SPATA16: variants seen among roughly 807,000 people sequenced by gnomAD.
SPATA16 encodes the protein spermatogenesis-associated protein 16.
Under a neutral mutation model 63.3 loss-of-function variants are expected in SPATA16, and 36 were observed. The ratio of observed to expected loss-of-function variants is 0.57; its 90% CI spans 0.44 to 0.75. The LOEUF is 0.75. Ranked by LOEUF, SPATA16 falls within the 30% of genes least tolerant of loss-of-function variation. The probability of loss-of-function intolerance (pLI) is 0.00; values close to 1 mark genes in which losing one functional copy is unlikely to be tolerated. For missense variants in SPATA16, 646 were observed against 679.3 expected, an observed-to-expected ratio of 0.95 and a Z score of 0.54; for synonymous variants, 203 against 216.7, an observed-to-expected ratio of 0.94 and a Z score of 0.56.
chr3:172,945,807 T>A (rs73175071), intron 6 of SPATA16, among the ~76,000 whole-genome samples: 8,944 of 152,210 alleles, frequency 0.059, 344 homozygotes, highest in Non-Finnish European at 0.077. Flanking sequence ...TGAAAGGTAG[T>A]CTAGGCTACA....
chr3:173,057,260 C>T (rs7618651), intron 2 of SPATA16, among the ~76,000 whole-genome samples: 22,076 of 151,598 alleles, frequency 0.15, 1,996 homozygotes, highest in South Asian at 0.22. Context: ...TACAGGTGCC[C>T]GCCGCCACGC....
chr3:172,955,718 TTG>T (rs1733577980), intron 6 of SPATA16, among the ~76,000 whole-genome samples: 3 of 152,200 alleles, frequency 2.0e-5, no homozygotes, highest in Non-Finnish European at 4.4e-5. Context: ...ATAGTGTAGC[TTG>T]ATGGCATGTT....
chr3:173,129,874 C>A (rs1447838635), intron 1 of SPATA16, among the ~76,000 whole-genome samples: 2 of 152,082 alleles, frequency 1.3e-5, no homozygotes, highest in African/African-American at 4.8e-5. Context: ...GCATGATCCA[C>A]TGGAATGGGT....
intron 10 of SPATA16, among the ~76,000 whole-genome samples, chr3:172,904,944 G>A (rs534238152): frequency 5.9e-5 from 9 of 152,238 alleles, no homozygotes; most frequent in Admixed American, 3.9e-4. Flanking sequence ...GCAGTTGCTG[G>A]CCTGGATGCC....
intron 2 of SPATA16, among the ~76,000 whole-genome samples, chr3:173,077,464 T>G (rs1025536257): frequency 6.6e-6 from 1 of 152,228 alleles, no homozygotes; most frequent in Non-Finnish European, 1.5e-5. Flanking sequence ...GTTTCTATAG[T>G]ACATGCAAGT....
At chr3:173,114,515 T>C (rs1035354529) in intron 2 of SPATA16, among the ~76,000 whole-genome samples, 1 of 152,176 alleles carries the variant, frequency 6.6e-6, no homozygotes, top group African/African-American at 2.4e-5. Context: ...GATCATGAAG[T>C]CAAGGCCACT....
chr3:172,982,323 A>T (rs1389457402), intron 4 of SPATA16, among the ~76,000 whole-genome samples: 1 of 152,156 alleles, frequency 6.6e-6, no homozygotes, highest in Non-Finnish European at 1.5e-5. Flanking sequence ...AATTTGTCCA[A>T]TGCAAAATTT....
At chr3:173,019,432 A>G (rs1033956811) in intron 4 of SPATA16, 54 bp downstream of exon 4, 11 of 1,451,004 alleles carry the variant, frequency 7.6e-6, no homozygotes, top group Non-Finnish European at 9.7e-6. Flanking sequence ...AGAATTTGAG[A>G]ATAAAATTAA....
At chr3:172,954,164 AG>A (rs1283611461) in intron 6 of SPATA16, among the ~76,000 whole-genome samples, 4 of 152,262 alleles carry the variant, frequency 2.6e-5, no homozygotes, top group African/African-American at 9.6e-5. Context: ...TAATTTATAA[AG>A]GAAAGAGGTT....
rs571896410 is a variant in SPATA16, at chr3:173,088,036, T to A, written c.612+29084A>T. Among the ~76,000 whole-genome samples, 85 of 139,380 alleles carry A rather than the reference T, an allele frequency of 6.1e-4. 1 individual carries two copies. The highest frequency in any genetic ancestry group is 2.0e-3 in the African/African-American group (75 of 36,998). The allele number at this position is 139,380 out of a possible 152,430, so 91.4% of individuals were successfully genotyped here. A position where few individuals can be genotyped will look rare whatever the true frequency, so the allele number is the denominator to read the frequency against. On this transcript the variant is annotated intron_variant, in intron 2 of 10. Transcript: ENST00000351008. ...TTTCTTTCTTTCTTTCTTTCTTTCTTTCTTTCTTTCTTTCTTTCTTTCTTT... is the reference window on the plus strand; with the variant it reads ...TTTCTTTCTTTCTTTCTTTCTTTCTATCTTTCTTTCTTTCTTTCTTTCTTT...
chr3:172,955,920 A>G (rs1006266297), intron 6 of SPATA16, among the ~76,000 whole-genome samples: 1 of 152,158 alleles, frequency 6.6e-6, no homozygotes, highest in Non-Finnish European at 1.5e-5. Context: ...TACATTATTA[A>G]CATTATAATT....
chr3:173,119,254 C>A (rs1053250127), intron 1 of SPATA16, among the ~76,000 whole-genome samples: 27 of 152,132 alleles, frequency 1.8e-4, no homozygotes, highest in Non-Finnish European at 3.5e-4. Flanking sequence ...AGGAAACCAC[C>A]ATGGCACATG....
intron 2 of SPATA16, among the ~76,000 whole-genome samples, chr3:173,086,528 C>G (rs1047436805): frequency 1.3e-5 from 2 of 152,076 alleles, no homozygotes; most frequent in African/African-American, 2.4e-5. Flanking sequence ...TTTCATGTCT[C>G]TATATCCTTC....
intron 3 of SPATA16, among the ~76,000 whole-genome samples, chr3:173,028,512 C>T (rs1210339968): frequency 4.6e-5 from 7 of 151,824 alleles, no homozygotes; most frequent in African/African-American, 1.7e-4. Flanking sequence ...AATTTTCAGA[C>T]GGCATAAATT....
chr3:173,132,630 T>C (rs1277580663), intron 1 of SPATA16, among the ~76,000 whole-genome samples: 2 of 152,126 alleles, frequency 1.3e-5, no homozygotes, highest in Non-Finnish European at 2.9e-5. Context: ...ATTAGGAGTT[T>C]GGTAAAAATA....
chr3:173,105,699 A>G (rs906015506), intron 2 of SPATA16, among the ~76,000 whole-genome samples: 3 of 151,952 alleles, frequency 2.0e-5, no homozygotes, highest in African/African-American at 7.3e-5. Flanking sequence ...AGCAGCCTTC[A>G]CATGCAATAT....
At chr3:173,084,756 C>A (rs909302066) in intron 2 of SPATA16, among the ~76,000 whole-genome samples, 1 of 152,170 alleles carries the variant, frequency 6.6e-6, no homozygotes, top group Non-Finnish European at 1.5e-5. Context: ...GTTCTCCCAG[C>A]ATCATTTATT....
chr3:173,048,987 C>T lies in SPATA16; in HGVS notation c.720G>A (p.Arg240=), dbSNP rs55724801. The T allele has an allele frequency of 0.031, 50,413 of 1,613,790 alleles. 1,065 individuals carry two copies. Among genetic ancestry groups the T allele is most frequent in the Admixed American group, 0.091 (5,440 of 60,012 alleles). The change falls in exon 3 of 11, where the codon CGG becomes CGA. Residue 240 remains arginine, a synonymous_variant. Coordinates refer to ENST00000351008, the MANE Select transcript of SPATA16 (RefSeq NM_031955.6). ...IETKLVTCYL[R]MRKPDLALNH... ...TCAGGGCAAGATCTGGTTTCCTCATCCGTAGATAACAGGTAACAAGCTTTG... is the reference window on the plus strand; with the variant it reads ...TCAGGGCAAGATCTGGTTTCCTCATTCGTAGATAACAGGTAACAAGCTTTG...
At chr3:172,991,294 A>G (rs1456962318) in intron 4 of SPATA16, among the ~76,000 whole-genome samples, 2 of 152,192 alleles carry the variant, frequency 1.3e-5, no homozygotes, top group Non-Finnish European at 2.9e-5. Flanking sequence ...TGAAGAGAAC[A>G]ATATATCCTT....
Sources: allele counts gnomAD v4.1 joint callset (sites outside exome capture counted in the v4.1 genomes callset), GRCh38; gene constraint gnomAD v4.1.1; transcripts MANE v1.5; gene names NCBI Gene and HGNC (gene_info 2026-07-23, HGNC 2026-07-21).